Variants in ACYP2 observed in about 807,000 individuals in gnomAD.
The protein encoded by ACYP2 is acylphosphatase-2.
Under a neutral mutation model 11.2 loss-of-function variants are expected in ACYP2, and 12 were observed. The ratio of observed to expected loss-of-function variants is 1.08; its 90% CI spans 0.69 to 1.74. ACYP2 has a LOEUF of 1.74. Among genes scored for constraint, ACYP2 ranks in the 40% most tolerant of loss-of-function variants. The probability of loss-of-function intolerance (pLI) is 0.00; values close to 1 mark genes in which losing one functional copy is unlikely to be tolerated. For synonymous variants in ACYP2, 43 were observed against 32.2 expected (o/e 1.33, Z -1.13); for missense variants, 134 against 101.9 (o/e 1.31, Z -1.35).
At chr2:54,267,244 A>G (rs1357605314) in intron 6 of ACYP2, 4 of 1,529,560 alleles carry the variant, frequency 2.6e-6, no homozygotes, top group Non-Finnish European at 2.6e-6. Flanking sequence ...GCTCCCAATA[A>G]AAACATTATT....
intron 4 of ACYP2, among the ~76,000 whole-genome samples, chr2:54,097,219 A>G (rs139003589): frequency 6.6e-6 from 1 of 152,106 alleles, no homozygotes; most frequent in Non-Finnish European, 1.5e-5. Flanking sequence ...TTCTTAACCC[A>G]CTTATTTCCT....
intron 6 of ACYP2, among the ~76,000 whole-genome samples, chr2:54,176,186 G>GT: frequency 6.6e-6 from 1 of 152,116 alleles, no homozygotes; most frequent in Non-Finnish European, 1.5e-5. Context: ...CATAAGGACC[G>GT]TATTTCTTAG....
At chr2:54,136,741 T>C (rs56001939) in intron 5 of ACYP2, among the ~76,000 whole-genome samples, 60,159 of 152,004 alleles carry the variant, frequency 0.4, 12,339 homozygotes, top group East Asian at 0.71. Context: ...TTTGGGAGGC[T>C]GAGGCAGGTG....
rs114030484 is a variant in ACYP2 at position 54,155,841 on chromosome 2, T to C, written c.404+17093T>C. ...TTGACTCATTGGTTGTTTAGTAACATGTTAATTTCCACATATTTGTGAATT... is the reference window on the plus strand; with the variant it reads ...TTGACTCATTGGTTGTTTAGTAACACGTTAATTTCCACATATTTGTGAATT... On this transcript the variant is annotated intron_variant, in intron 6 of 6. Transcript: ENST00000607452. 2.1e-3 allele frequency among the ~76,000 whole-genome samples: 320 copies of C among 152,338 alleles called. 3 individuals carry two copies. The highest frequency in any genetic ancestry group is 7.2e-3 in the African/African-American group (301 of 41,578).
chr2:54,304,783 A>G lies in ACYP2; in HGVS notation c.500A>G (p.Asn167Ser). The change falls in exon 7 of 7, where the codon AAT (asparagine) becomes AGT (serine). Residue 167 changes from asparagine (N) to serine (S), a missense_variant. By Grantham distance (46) the Asn-to-Ser change is conservative. Transcript: ENST00000607452. ...ACCATCTCTAAGCTTGAATACTCTA[A>G]TTTTAGTATTAGATACTAATAGAAG... The G allele has an allele frequency of 6.2e-7, 1 of 1,603,316 alleles. No homozygotes were observed. The highest frequency in any genetic ancestry group is 1.1e-5 in the South Asian group (1 of 90,530).
chr2:54,242,532 C>CA (rs1427101133), intron 6 of ACYP2, among the ~76,000 whole-genome samples: 6 of 152,178 alleles, frequency 3.9e-5, no homozygotes, highest in Non-Finnish European at 8.8e-5. Context: ...TATATACAGT[C>CA]ATATGCCACA....
intron 6 of ACYP2, among the ~76,000 whole-genome samples, chr2:54,256,715 C>T (rs1027352373): frequency 6.6e-6 from 1 of 152,270 alleles, no homozygotes; most frequent in Admixed American, 6.5e-5. Context: ...GATCTCAGCT[C>T]ACTGAAGCTG....
At chr2:54,160,041 C>T (rs534645781) in intron 6 of ACYP2, among the ~76,000 whole-genome samples, 2 of 152,248 alleles carry the variant, frequency 1.3e-5, no homozygotes, top group Non-Finnish European at 1.5e-5. Context: ...GGATATTCCC[C>T]ACCTCCCCCT....
intron 4 of ACYP2, among the ~76,000 whole-genome samples, chr2:54,106,224 A>C (rs1352606893): frequency 6.6e-6 from 1 of 152,120 alleles, no homozygotes; most frequent in Non-Finnish European, 1.5e-5. Context: ...TTTAAAGGTA[A>C]GATTTAATTT....
chr2:54,267,189 A>G (rs1688073878), intron 6 of ACYP2: 3 of 1,190,820 alleles, frequency 2.5e-6, no homozygotes, highest in African/African-American at 1.6e-5. Flanking sequence ...TTTTTCATCA[A>G]GAAAATGTTT....
At chr2:54,011,820 C>T (rs1673389045) in intron 2 of ACYP2, among the ~76,000 whole-genome samples, 1 of 152,030 alleles carries the variant, frequency 6.6e-6, no homozygotes, top group Non-Finnish European at 1.5e-5. Context: ...TTGTCACATT[C>T]ATAAATGCTT....
chr2:54,064,814 G>C (rs534452159), intron 4 of ACYP2, among the ~76,000 whole-genome samples: 3 of 152,158 alleles, frequency 2.0e-5, no homozygotes, highest in African/African-American at 7.2e-5. Flanking sequence ...CCGCCAGCAC[G>C]GTGGCTCACG....
chr2:54,147,905 T>C (rs1457984061), intron 6 of ACYP2, among the ~76,000 whole-genome samples: 4 of 152,172 alleles, frequency 2.6e-5, no homozygotes, highest in South Asian at 2.1e-4. Context: ...TTTTCAGCTA[T>C]AAGTTAACAG....
intron 4 of ACYP2, among the ~76,000 whole-genome samples, chr2:54,071,037 A>T (rs1279919447): frequency 3.3e-5 from 5 of 152,052 alleles, no homozygotes; most frequent in Admixed American, 6.6e-5. Flanking sequence ...CAGGCATAAG[A>T]CACTGCACCC....
intron 6 of ACYP2, among the ~76,000 whole-genome samples, chr2:54,249,242 G>C (rs1369289289): frequency 6.6e-6 from 1 of 152,080 alleles, no homozygotes; most frequent in African/African-American, 2.4e-5. Context: ...GTAGACAAGA[G>C]GTATTAAGGT....
intron 2 of ACYP2, among the ~76,000 whole-genome samples, chr2:54,042,166 C>T (rs973298405): frequency 2.0e-5 from 3 of 152,114 alleles, no homozygotes; most frequent in Non-Finnish European, 4.4e-5. Context: ...ACCACCACAC[C>T]CTGCTAATTT....
intron 2 of ACYP2, among the ~76,000 whole-genome samples, chr2:54,045,252 A>C (rs918005326): frequency 1.3e-5 from 2 of 152,036 alleles, no homozygotes; most frequent in African/African-American, 2.4e-5. Context: ...CTCGCCCTCC[A>C]CGATCCCCTT....
At chr2:54,043,452 A>G (rs1675352295) in intron 2 of ACYP2, among the ~76,000 whole-genome samples, 1 of 152,178 alleles carries the variant, frequency 6.6e-6, no homozygotes, top group Non-Finnish European at 1.5e-5. Flanking sequence ...AGTTCCATAG[A>G]ACAAAGAAAC....
chr2:54,171,353 C>T (rs540470524), intron 6 of ACYP2, among the ~76,000 whole-genome samples: 1 of 152,232 alleles, frequency 6.6e-6, no homozygotes, highest in South Asian at 2.1e-4. Context: ...GGAATGTTAT[C>T]GGGGGGCGAG....
Sources: gnomAD v4.1 joint callset for allele counts (sites outside exome capture counted in the v4.1 genomes callset) on GRCh38, gnomAD v4.1.1 for gene constraint, MANE v1.5 for transcripts, NCBI Gene and HGNC (gene_info 2026-07-23, HGNC 2026-07-21) for gene names.